The following PITX1 variants were observed in gnomAD, a reference collection of about 807,000 sequenced individuals.
PITX1 encodes pituitary homeobox 1.
PITX1 carries 5 observed loss-of-function variants against 24.1 expected under a neutral mutation model. The observed-to-expected ratio is 0.21, with a 90% confidence interval of 0.11 to 0.44. PITX1 has a LOEUF of 0.44. Among genes scored for constraint, PITX1 ranks in the 20% least tolerant of loss-of-function variants. PITX1 has a pLI of 0.99. For missense variants in PITX1, 401 were observed against 455.4 expected (o/e 0.88, Z 1.09); for synonymous variants, 213 against 208.9 (o/e 1.02, Z -0.17).
In PITX1 at chr5:135,033,960, A is replaced by T; in HGVS notation, c.-79T>A. 1.0e-6 allele frequency: 1 copy of T among 975,158 alleles called. No individual in the cohort carries two copies. Among genetic ancestry groups the T allele is most frequent in the Non-Finnish European group, 1.3e-6 (1 of 746,156 alleles). The allele number at this position is 975,158 out of a possible 1,614,324, so 60.4% of individuals were successfully genotyped here. ...CGCCCTGGCTGCGACCTGCGGGGAC[A>T]AGAGCGCAGCGCCTAAGCGGCTGCC... On this transcript the variant is annotated 5_prime_UTR_variant, in exon 1 of 3. Transcript: ENST00000265340. The surrounding 1 kb of genome is among the most constrained non-coding windows in gnomAD (Gnocchi z 5.9).
rs925909675 is a variant in PITX1 at position 135,027,753 on chromosome 5, A to G, written c.*1026T>C. ...CAGCAGTGCTTAGCACGCTCGGACT[A>G]TGGTTTTAATAGACGTACATGGACA... On this transcript the variant is annotated 3_prime_UTR_variant, in exon 3 of 3. Coordinates refer to ENST00000265340, the MANE Select transcript of PITX1 (RefSeq NM_002653.5). The G allele has an allele frequency of 2.0e-5, 3 of 152,878 alleles. No individual in the cohort carries two copies. Among genetic ancestry groups the G allele is most frequent in the Non-Finnish European group, 4.4e-5 (3 of 68,082 alleles). The allele number at this position is 152,878 out of a possible 1,614,324, so 9.5% of individuals were successfully genotyped here. A position where few individuals can be genotyped will look rare whatever the true frequency, so the allele number is the denominator to read the frequency against.
chr5:135,031,207 G>T, intron 2 of PITX1, 69 bp downstream of exon 2: 2 of 1,174,880 alleles, frequency 1.7e-6, no homozygotes, highest in Non-Finnish European at 2.5e-6. Flanking sequence ...CTAAGCTTTG[G>T]AGGGCTGCAG....
In PITX1 at chr5:135,029,058, G is replaced by A. The variant is rs1752403695; in HGVS notation, c.666C>T (p.Ser222=). ...SMFSAPSSIS[S]MTMPSSMGPG... Reference sequence around the variant, plus strand: ...GGCCCATGCTGGACGGCATGGTCATGGAGGAGATGGAGCTGGGTGCTGAGA... The same window carrying A: ...GGCCCATGCTGGACGGCATGGTCATAGAGGAGATGGAGCTGGGTGCTGAGA... The change falls in exon 3 of 3, where the codon TCC becomes TCT. Residue 222 remains serine (S), a synonymous_variant. Coordinates refer to ENST00000265340, the MANE Select transcript of PITX1 (RefSeq NM_002653.5). 6.2e-7 allele frequency: 1 copy of A among 1,614,236 alleles called. No homozygotes were observed.
At chr5:135,029,825 A>G (rs1752418518) in intron 2 of PITX1, among the ~76,000 whole-genome samples, 1 of 151,936 alleles carries the variant, frequency 6.6e-6, no homozygotes, top group South Asian at 2.1e-4. Context: ...CCAAATGTTT[A>G]TTTTCGTTCA....
Position 135,033,831 on chromosome 5 carries a change from G to A in PITX1, c.51C>T (p.Leu17=), listed in dbSNP as rs1195424070. 1 of 1,524,954 alleles carries A rather than the reference G, an allele frequency of 6.6e-7. No individual in the cohort carries two copies. Among genetic ancestry groups the A allele is most frequent in the South Asian group, 1.2e-5 (1 of 83,034 alleles). 94.5% of individuals were successfully genotyped at this position (1,524,954 alleles called of 1,614,324 possible). A position where few individuals can be genotyped will look rare whatever the true frequency, so the allele number is the denominator to read the frequency against. The stretch of plus-strand genomic sequence containing the variant: ...CATGGGGTGGCGGCGGCGGCGGCCG[G>A]AGCCCCTCCGGCAGCCGCTCCAGGC... The part of the protein sequence containing the change: ...GMSLERLPEG[L]RPPPPPPHDM... Residue 17 remains leucine, a synonymous_variant, in exon 1 of 3, where the codon CTC becomes CTT. Coordinates refer to ENST00000265340, the MANE Select transcript of PITX1 (RefSeq NM_002653.5). The surrounding 1 kb of genome is among the most constrained non-coding windows in gnomAD (Gnocchi z 5.9).
rs1022811997 is a variant in PITX1, at chr5:135,028,731, G to C, written c.*48C>G. Reference sequence around the variant, plus strand: ...GCGTGCGTCCTCCGCGCCCGCGCCCGCGCCCTTCCCCGCTCCGGCCGCCGG... The same window carrying C: ...GCGTGCGTCCTCCGCGCCCGCGCCCCCGCCCTTCCCCGCTCCGGCCGCCGG... On this transcript the variant is annotated 3_prime_UTR_variant, in exon 3 of 3. Transcript: ENST00000265340. 4 of 1,184,676 alleles carry C rather than the reference G, an allele frequency of 3.4e-6. No individual in the cohort carries two copies. Among genetic ancestry groups the C allele is most frequent in the Non-Finnish European group, 3.3e-6 (3 of 918,224 alleles). The allele number at this position is 1,184,676 out of a possible 1,614,324, so 73.4% of individuals were successfully genotyped here.
In PITX1 at chr5:135,028,739, C is replaced by A; in HGVS notation, c.*40G>T. ...CCTCCGCGCCCGCGCCCGCGCCCTT[C>A]CCCGCTCCGGCCGCCGGCCCGCGTG... On this transcript the variant is annotated 3_prime_UTR_variant, in exon 3 of 3. Transcript: ENST00000265340. 1 of 1,460,608 alleles carries A rather than the reference C, an allele frequency of 6.8e-7. No individual in the cohort carries two copies. The highest frequency in any genetic ancestry group is 9.0e-7 in the Non-Finnish European group (1 of 1,105,252). 90.5% of individuals were successfully genotyped at this position (1,460,608 alleles called of 1,614,324 possible). A position where few individuals can be genotyped will look rare whatever the true frequency, so the allele number is the denominator to read the frequency against.
chr5:135,031,570 G>GCTCCACC (rs1752450277), intron 1 of PITX1, 62 bp from the exon 2 acceptor site: 1 of 1,384,772 alleles, frequency 7.2e-7, no homozygotes, highest in Non-Finnish European at 9.9e-7. Context: ...CCCCGTCCCG[G>GCTCCACC]CTCCACCGAA....
At position 135,028,430 on chromosome 5, in the gene PITX1, C is replaced by T. The variant is rs1397983342; in HGVS notation, c.*349G>A. 1.3e-5 allele frequency: 2 copies of T among 153,836 alleles called. No individual in the cohort carries two copies. Among genetic ancestry groups the T allele is most frequent in the African/African-American group, 4.9e-5 (2 of 40,804 alleles). 9.5% of individuals were successfully genotyped at this position (153,836 alleles called of 1,614,324 possible). On this transcript the variant is annotated 3_prime_UTR_variant, in exon 3 of 3. Coordinates refer to ENST00000265340, the MANE Select transcript of PITX1 (RefSeq NM_002653.5). ...GCCTCGGCGCTCGCCTACCGCGCCGCGTGCCCTCCGCGGAGTGGGCCTCCG... is the reference window on the plus strand; with the variant it reads ...GCCTCGGCGCTCGCCTACCGCGCCGTGTGCCCTCCGCGGAGTGGGCCTCCG...
intron 1 of PITX1, 117 bp from the exon 2 acceptor site, chr5:135,031,625 T>C: frequency 1.2e-6 from 1 of 814,848 alleles, no homozygotes; most frequent in Non-Finnish European, 1.9e-6. Flanking sequence ...TCCCTCCCTC[T>C]AGGGTTCCTG....
rs2149563262 is a variant in PITX1 at position 135,034,106 on chromosome 5, C to T, written c.-225G>A. On this transcript the variant is annotated 5_prime_UTR_variant, in exon 1 of 3. Transcript: ENST00000265340. The stretch of plus-strand genomic sequence containing the variant: ...GCGACTGGGCGCCTGGCTCAGCGCT[C>T]CGCGCTGCGCTCCTGCCGCTCGGGC... 1 of 163,800 alleles carries T rather than the reference C, an allele frequency of 6.1e-6. No individual in the cohort carries two copies. 10.1% of individuals were successfully genotyped at this position (163,800 alleles called of 1,614,324 possible).
At position 135,028,649 on chromosome 5, in the gene PITX1, G is replaced by T; in HGVS notation, c.*130C>A. On this transcript the variant is annotated 3_prime_UTR_variant, in exon 3 of 3. Transcript: ENST00000265340. The stretch of plus-strand genomic sequence containing the variant: ...CCGGAGTGGGAAGTGGGAGGAGGGG[G>T]CTGCGCAGGTGTGAGGTCCGCGGCG... The T allele has an allele frequency of 4.1e-6, 2 of 482,016 alleles. No individual in the cohort carries two copies. The highest frequency in any genetic ancestry group is 6.2e-6 in the Non-Finnish European group (2 of 321,168). 29.9% of individuals were successfully genotyped at this position (482,016 alleles called of 1,614,324 possible).
intron 1 of PITX1, chr5:135,031,846 G>A (rs977334996): frequency 3.1e-5 from 13 of 422,854 alleles, no homozygotes; most frequent in African/African-American, 2.2e-4. Flanking sequence ...TGTTTGTTTT[G>A]CGAACTCTTA....
Position 135,033,501 on chromosome 5 carries a change from T to A in PITX1, c.169+212A>T. ...GTAGGCTCGTGCATCTGCCAGTCTCTTGGCGCGTGGGGACCGCGTGGAAGT... is the reference window on the plus strand; with the variant it reads ...GTAGGCTCGTGCATCTGCCAGTCTCATGGCGCGTGGGGACCGCGTGGAAGT... On this transcript the variant is annotated intron_variant, in intron 1 of 2. Transcript: ENST00000265340. The surrounding 1 kb of genome is among the most constrained non-coding windows in gnomAD (Gnocchi z 5.9). 1 of 588,418 alleles carries A rather than the reference T, an allele frequency of 1.7e-6. No individual in the cohort carries two copies. The highest frequency in any genetic ancestry group is 3.0e-6 in the Non-Finnish European group (1 of 333,652). The allele number at this position is 588,418 out of a possible 1,614,324, so 36.4% of individuals were successfully genotyped here.
intron 2 of PITX1, among the ~76,000 whole-genome samples, chr5:135,030,897 C>T (rs1306429835): frequency 6.6e-6 from 1 of 152,246 alleles, no homozygotes; most frequent in East Asian, 1.9e-4. Flanking sequence ...ATAAGGCCAA[C>T]AGCTCCCGAG....
intron 2 of PITX1, among the ~76,000 whole-genome samples, chr5:135,030,657 G>T (rs1189658469): frequency 1.3e-5 from 2 of 152,206 alleles, no homozygotes; most frequent in Non-Finnish European, 2.9e-5. Flanking sequence ...AGGACATTTG[G>T]CTCCCGGAGC....
At chr5:135,032,569 A>G (rs1752473114) in intron 1 of PITX1, among the ~76,000 whole-genome samples, 1 of 152,214 alleles carries the variant, frequency 6.6e-6, no homozygotes, top group Non-Finnish European at 1.5e-5. Flanking sequence ...CGGAAGAATA[A>G]TGTTGCATGT....
rs1189423188 is a variant in PITX1, at chr5:135,028,256, A to C, written c.*523T>G. ...AGCTAAGGCGCTCTCGGCCGGGCCT[A>C]GCTCGGAGAGGGCAACTTGGTTTGT... On this transcript the variant is annotated 3_prime_UTR_variant, in exon 3 of 3. Transcript: ENST00000265340. The C allele has an allele frequency of 6.6e-6, 1 of 152,312 alleles. No individual in the cohort carries two copies. Among genetic ancestry groups the C allele is most frequent in the Non-Finnish European group, 1.5e-5 (1 of 68,106 alleles). The allele number at this position is 152,312 out of a possible 1,614,324, so 9.4% of individuals were successfully genotyped here.
chr5:135,033,282 C>T lies in PITX1; in HGVS notation c.169+431G>A, dbSNP rs2149562382. ...TTCTCTTTGGTCTCTTTCATTCTGT[C>T]GCCTACTGTCACGGTGTTAACCTCC... On this transcript the variant is annotated intron_variant, in intron 1 of 2. Coordinates refer to ENST00000265340, the MANE Select transcript of PITX1 (RefSeq NM_002653.5). This position sits in a 1 kb window ranked among gnomAD's most constrained non-coding sequence, Gnocchi z 5.9. The T allele has an allele frequency of 3.8e-6, 1 of 264,280 alleles. No homozygotes were observed. Among genetic ancestry groups the T allele is most frequent in the Admixed American group, 6.3e-5 (1 of 15,930 alleles). 16.4% of individuals were successfully genotyped at this position (264,280 alleles called of 1,614,324 possible). A position where few individuals can be genotyped will look rare whatever the true frequency, so the allele number is the denominator to read the frequency against.
Sources: gnomAD v4.1 joint callset for allele counts (sites outside exome capture counted in the v4.1 genomes callset) on GRCh38, gnomAD v4.1.1 for gene constraint, Gnocchi (gnomAD v3.1) non-coding constraint, MANE v1.5 for transcripts, NCBI Gene and HGNC (gene_info 2026-07-23, HGNC 2026-07-21) for gene names.